The following BAZ2B variants were observed in gnomAD, a reference collection of about 807,000 sequenced individuals.
BAZ2B encodes bromodomain adjacent to zinc finger domain 2B, also known as bromodomain adjacent to zinc finger domain protein 2B.
A neutral mutation model predicts 246.0 loss-of-function variants in BAZ2B; 91 were observed. The ratio of observed to expected loss-of-function variants is 0.37; its 90% CI spans 0.31 to 0.44. The LOEUF (loss-of-function observed/expected upper bound fraction) is 0.44. Ranked by LOEUF, BAZ2B falls within the 20% of genes least tolerant of loss-of-function variation. The pLI, the probability that BAZ2B is intolerant of heterozygous loss-of-function variation, is 1.00. For synonymous variants in BAZ2B, 855 were observed against 860.0 expected, an observed-to-expected ratio of 0.99 and a Z score of 0.10; for missense variants, 2,332 against 2,533.7, an observed-to-expected ratio of 0.92 and a Z score of 1.71.
chr2:159,587,552 T>A (rs1241167863), intron 1 of BAZ2B, among the ~76,000 whole-genome samples: 1 of 152,212 alleles, frequency 6.6e-6, no homozygotes, highest in Non-Finnish European at 1.5e-5. Context: ...AGCTAATATT[T>A]ACTGACTAAA....
intron 2 of BAZ2B, among the ~76,000 whole-genome samples, chr2:159,500,419 A>T (rs1274559101): frequency 2.6e-5 from 4 of 152,118 alleles, no homozygotes; most frequent in Admixed American, 2.6e-4. Context: ...TGGTTACTGT[A>T]GCCTTGTAGT....
Position 159,430,871 on chromosome 2 carries a change from G to T in BAZ2B, c.2186C>A (p.Pro729Gln). The T allele has an allele frequency of 6.2e-7, 1 of 1,613,308 alleles. No homozygotes were observed. Among genetic ancestry groups the T allele is most frequent in the South Asian group, 1.1e-5 (1 of 90,908 alleles). The change falls in exon 10 of 37, where the codon CCA becomes CAA. Residue 729 changes from proline to glutamine, a missense_variant. This residue lies in a region of BAZ2B where 651 missense variants were observed against 650.9 expected (regional missense o/e 1.00). Coordinates refer to ENST00000392783, the MANE Select transcript of BAZ2B (RefSeq NM_013450.4). Reference sequence around the variant, plus strand: ...AAATAAAGTGTAGGTACCAGAGTGTGGGCTTGAAGTAAGTGTGGAAGAAGA... The same window carrying T: ...AAATAAAGTGTAGGTACCAGAGTGTTGGCTTGAAGTAAGTGTGGAAGAAGA... ...GTSSSTLTSSPHSGTSKRRRV... is the reference protein window; with the variant it reads ...GTSSSTLTSSQHSGTSKRRRV...
chr2:159,385,085 AT>A (rs2062470854), intron 23 of BAZ2B, 69 bp downstream of exon 23: 5 of 1,467,492 alleles, frequency 3.4e-6, no homozygotes. Flanking sequence ...TCTATAATCA[AT>A]TTGTATTACT....
chr2:159,368,725 G>A (rs933145188), intron 27 of BAZ2B, among the ~76,000 whole-genome samples: 7 of 151,530 alleles, frequency 4.6e-5, no homozygotes, highest in African/African-American at 9.7e-5. Context: ...TGTAACAATC[G>A]AAGAATTCAT....
intron 8 of BAZ2B, chr2:159,438,062 G>C (rs2150268361): frequency 2.4e-6 from 1 of 408,940 alleles, no homozygotes; most frequent in Non-Finnish European, 4.3e-6. Context: ...CTTACCTTAG[G>C]CATGGGTTGC....
At chr2:159,537,951 A>G (rs1234976901) in intron 2 of BAZ2B, among the ~76,000 whole-genome samples, 1 of 152,104 alleles carries the variant, frequency 6.6e-6, no homozygotes, top group Non-Finnish European at 1.5e-5. Context: ...TGTCTTCTGT[A>G]GGAAGAGGCT....
intron 25 of BAZ2B, among the ~76,000 whole-genome samples, chr2:159,378,000 A>C (rs1019176079): frequency 6.6e-6 from 1 of 152,228 alleles, no homozygotes; most frequent in African/African-American, 2.4e-5. Flanking sequence ...TAAGATAACT[A>C]TACAGGGGAA....
intron 3 of BAZ2B, among the ~76,000 whole-genome samples, chr2:159,476,164 C>T (rs1411375371): frequency 2.6e-5 from 4 of 152,124 alleles, no homozygotes; most frequent in Non-Finnish European, 4.4e-5. Flanking sequence ...CCCAGGTGCT[C>T]TGTCCCAGGG....
chr2:159,330,028 T>G (rs2148880472), intron 34 of BAZ2B, among the ~76,000 whole-genome samples: 1 of 152,324 alleles, frequency 6.6e-6, no homozygotes, highest in East Asian at 1.9e-4. Flanking sequence ...AAGACTGCTG[T>G]TAAGTTATAT....
intron 2 of BAZ2B, among the ~76,000 whole-genome samples, chr2:159,493,417 AC>A (rs1368092959): frequency 6.6e-6 from 1 of 152,224 alleles, no homozygotes; most frequent in African/African-American, 2.4e-5. Flanking sequence ...CCTGTTTCAT[AC>A]TGAGTAACTC....
chr2:159,650,293 G>C, the BAZ2B span, among the ~76,000 whole-genome samples: 1 of 150,168 alleles, frequency 6.7e-6, no homozygotes, highest in African/African-American at 2.5e-5. Flanking sequence ...GAACATGTTT[G>C]TATTACTATA....
chr2:159,435,811 T>G (rs1221409119), intron 8 of BAZ2B, among the ~76,000 whole-genome samples: 2 of 152,210 alleles, frequency 1.3e-5, no homozygotes, highest in Admixed American at 1.3e-4. Flanking sequence ...TTAAATATTT[T>G]AAAGCAGCAG....
At chr2:159,581,860 C>T (rs141193440) in intron 1 of BAZ2B, among the ~76,000 whole-genome samples, 4,352 of 139,698 alleles carry the variant, frequency 0.031, 333 homozygotes, top group Admixed American at 0.21. Context: ...CTCATAGGTG[C>T]GAATTGAACA....
chr2:159,662,991 T>G, the BAZ2B span, among the ~76,000 whole-genome samples: 1 of 152,258 alleles, frequency 6.6e-6, no homozygotes, highest in Middle Eastern at 3.4e-3. Context: ...ATTTTGATTC[T>G]TTGTCCATTT....
intron 14 of BAZ2B, among the ~76,000 whole-genome samples, chr2:159,409,328 G>A (rs765400313): frequency 4.3e-4 from 65 of 152,120 alleles, no homozygotes; most frequent in Non-Finnish European, 8.7e-4. Context: ...TTACTTATAG[G>A]CATCTCAGTT....
At chr2:159,367,784 A>G (rs1352732825) in intron 27 of BAZ2B, among the ~76,000 whole-genome samples, 1 of 152,098 alleles carries the variant, frequency 6.6e-6, no homozygotes, top group Non-Finnish European at 1.5e-5. Flanking sequence ...GCTACTTGGG[A>G]GGCTGAGGCA....
chr2:159,648,353 G>T, the BAZ2B span, among the ~76,000 whole-genome samples: 11 of 151,896 alleles, frequency 7.2e-5, no homozygotes, highest in African/African-American at 2.7e-4. Flanking sequence ...GCTTAGGCTG[G>T]TCTCAAACTC....
chr2:159,322,112 A>G (rs550664463), intron 36 of BAZ2B: 1 of 152,264 alleles, frequency 6.6e-6, no homozygotes, highest in South Asian at 2.1e-4. Flanking sequence ...GTGGAATTCT[A>G]TTTCTTTGGT....
Position 159,374,743 on chromosome 2 carries a change from T to A in BAZ2B, c.4016A>T (p.Asp1339Val), listed in dbSNP as rs2061236223. The A allele has an allele frequency of 6.2e-7, 1 of 1,612,434 alleles. No individual in the cohort carries two copies. Among genetic ancestry groups the A allele is most frequent in the East Asian group, 2.2e-5 (1 of 44,770 alleles). The change falls in exon 26 of 37, where the codon GAC (aspartate) becomes GTC (valine). Residue 1339 changes from aspartate to valine, a missense_variant. Physicochemically the swap from Asp to Val is radical, Grantham distance 152. Around this residue, in one of 9 missense-constraint regions of BAZ2B, gnomAD observed 676 missense variants for 668.6 expected, o/e 1.01. Coordinates refer to ENST00000392783, the MANE Select transcript of BAZ2B (RefSeq NM_013450.4). ...TDICEDEDEG[D>V]QAASVEELEK... Reference sequence around the variant, plus strand: ...CAGCTCTTCAACACTTGCTGCTTGGTCACCTTCATCCTATACATAAGAAAA... The same window carrying A: ...CAGCTCTTCAACACTTGCTGCTTGGACACCTTCATCCTATACATAAGAAAA...
Sources: allele counts gnomAD v4.1 joint callset (sites outside exome capture counted in the v4.1 genomes callset), GRCh38; gene constraint gnomAD v4.1.1; regional missense constraint gnomAD v4.1.1; transcripts MANE v1.5; gene names NCBI Gene and HGNC (gene_info 2026-07-23, HGNC 2026-07-21).